CYB5D2: variants seen among roughly 807,000 people sequenced by gnomAD.
CYB5D2 encodes the protein cytochrome b5 domain containing 2.
In CYB5D2, 23 loss-of-function variants were observed where a neutral mutation model predicts 22.8. The observed-to-expected ratio is 1.01, with a 90% CI of 0.73 to 1.43. CYB5D2 has a LOEUF of 1.43. Among genes scored for constraint, CYB5D2 ranks in the 40% most tolerant of loss-of-function variants. CYB5D2 has a pLI of 0.00. For missense variants in CYB5D2, 373 were observed against 357.2 expected (o/e 1.04, Z -0.36); for synonymous variants, 170 against 152.2 (o/e 1.12, Z -0.86).
In CYB5D2 at chr17:4,156,970, G is replaced by C. The variant is rs751268793; in HGVS notation, c.683G>C (p.Gly228Ala). The C allele has an allele frequency of 1.2e-6, 2 of 1,612,854 alleles. No individual in the cohort carries two copies. Among genetic ancestry groups the C allele is most frequent in the Non-Finnish European group, 1.7e-6 (2 of 1,180,024 alleles). Reference protein sequence around the residue: ...VCVRTTGPPSGQMPDNPPHRN... With the variant: ...VCVRTTGPPSAQMPDNPPHRN... ...GTGAGAACCACCGGCCCCCCTAGTG[G>C]CCAGATGCCGGACAACCCTCCACAC... Residue 228 changes from glycine (G) to alanine (A), a missense_variant, in exon 4 of 4, where the codon GGC becomes GCC. Physicochemically the swap from Gly to Ala is moderately conservative, Grantham distance 60. Coordinates refer to ENST00000301391, the MANE Select transcript of CYB5D2 (RefSeq NM_144611.4).
At chr17:4,150,125 T>A in intron 2 of CYB5D2, 94 bp downstream of exon 2, 1 of 1,461,704 alleles carries the variant, frequency 6.8e-7, no homozygotes, top group Admixed American at 1.8e-5. Context: ...GCTTAAAATC[T>A]GAAAAACAGC....
intron 1 of CYB5D2, among the ~76,000 whole-genome samples, 186 bp from the exon 2 acceptor site, chr17:4,149,705 A>G (rs1287398057): frequency 1.3e-5 from 2 of 152,224 alleles, no homozygotes; most frequent in South Asian, 4.1e-4. Context: ...AGGCTGAAGC[A>G]GGAGAATGGC....
chr17:4,145,077 C>T lies in CYB5D2; in HGVS notation c.250+1072C>T, dbSNP rs373105723. On this transcript the variant is annotated intron_variant, in intron 1 of 3. Transcript: ENST00000301391. ...CTGGGATTACAGGCGTGAGCCACCA[C>T]ACCCGGCCAGCCTAGTGCTTTTTTA... Among the ~76,000 whole-genome samples, 21 of 152,330 alleles carry T rather than the reference C, an allele frequency of 1.4e-4. No individual in the cohort carries two copies. In the South Asian group the frequency reaches 3.5e-3, roughly 26 times the overall value.
chr17:4,144,589 G>C (rs1181384677), intron 1 of CYB5D2, among the ~76,000 whole-genome samples: 2 of 152,148 alleles, frequency 1.3e-5, no homozygotes, highest in African/African-American at 4.8e-5. Flanking sequence ...AGAAGGTTAG[G>C]GCAGAGGAAA....
rs201331205 is a variant in CYB5D2 at position 4,143,644 on chromosome 17, A to C, written c.-112A>C. ...GAGGGAGCGCGAGCACTAGCGCGCG[A>C]GAGAGAGAGCGAGAGCGCGCGCGCC... On this transcript the variant is annotated 5_prime_UTR_variant, in exon 1 of 4. Coordinates refer to ENST00000301391, the MANE Select transcript of CYB5D2 (RefSeq NM_144611.4). 0.061 allele frequency: 59,320 copies of C among 979,160 alleles called. 1,578 individuals carry two copies. Among genetic ancestry groups the C allele is most frequent in the Admixed American group, 0.11 (3,459 of 31,934 alleles). The allele number at this position is 979,160 out of a possible 1,614,324, so 60.7% of individuals were successfully genotyped here. A position where few individuals can be genotyped will look rare whatever the true frequency, so the allele number is the denominator to read the frequency against.
intron 2 of CYB5D2, among the ~76,000 whole-genome samples, chr17:4,152,299 T>C (rs2059067342): frequency 6.6e-6 from 1 of 152,218 alleles, no homozygotes; most frequent in South Asian, 2.1e-4. Flanking sequence ...TTCCTGCCCC[T>C]GTTAGCTCAT....
rs1314898627 is a variant in CYB5D2 at position 4,154,848 on chromosome 17, G to C, written c.566G>C (p.Cys189Ser). ...TCAGCCAGGGGCAGCCGGCTCTGGT[G>C]CTCCCAGAAGAGGTAAGCAGGCTCC... ...WSSARGSRLW[C>S]SQKSGGVSRD... The change falls in exon 3 of 4, where the codon TGC (cysteine) becomes TCC (serine). Residue 189 changes from cysteine to serine, a missense_variant. Cys to Ser is a moderately radical substitution (Grantham distance 112). Transcript: ENST00000301391. 2 of 1,612,536 alleles carry C rather than the reference G, an allele frequency of 1.2e-6. No homozygotes were observed. The highest frequency in any genetic ancestry group is 1.7e-6 in the Non-Finnish European group (2 of 1,179,294).
intron 1 of CYB5D2, 89 bp from the exon 2 acceptor site, chr17:4,149,802 A>AC (rs921501670): frequency 6.5e-7 from 1 of 1,531,960 alleles, no homozygotes; most frequent in Non-Finnish European, 8.8e-7. Flanking sequence ...CCGTCTCAAA[A>AC]AAAAAAGAAA....
In CYB5D2 at chr17:4,143,573, CT is replaced by C. The variant is rs1193510445; in HGVS notation, c.-179del. On this transcript the variant is annotated 5_prime_UTR_variant, in exon 1 of 4. Coordinates refer to ENST00000301391, the MANE Select transcript of CYB5D2 (RefSeq NM_144611.4). The stretch of plus-strand genomic sequence containing the variant: ...CCTGGAAAAAGTCGCAGACAGCGAG[CT>C]TTTCGCCAGTGCCAGGAATACAGAT... 1 of 775,402 alleles carries C rather than the reference CT, an allele frequency of 1.3e-6. No homozygotes were observed. The highest frequency in any genetic ancestry group is 1.9e-6 in the Non-Finnish European group (1 of 518,326). 48.0% of individuals were successfully genotyped at this position (775,402 alleles called of 1,614,324 possible).
In CYB5D2 at chr17:4,143,658, A is replaced by AGC. The variant is rs1178777615; in HGVS notation, c.-89_-88dup. On this transcript the variant is annotated 5_prime_UTR_variant, in exon 1 of 4. Coordinates refer to ENST00000301391, the MANE Select transcript of CYB5D2 (RefSeq NM_144611.4). ...ACTAGCGCGCGAGAGAGAGAGCGAG[A>AGC]GCGCGCGCGCCGATGACGTCACGCT... 9.9e-5 allele frequency: 149 copies of AGC among 1,497,582 alleles called. 1 individual carries two copies. The African/African-American group carries it at 1.6e-3, about 16-fold the overall frequency. The allele number at this position is 1,497,582 out of a possible 1,614,324, so 92.8% of individuals were successfully genotyped here. A position where few individuals can be genotyped will look rare whatever the true frequency, so the allele number is the denominator to read the frequency against.
intron 2 of CYB5D2, among the ~76,000 whole-genome samples, chr17:4,154,466 C>T (rs145315131): frequency 5.9e-5 from 9 of 152,352 alleles, no homozygotes; most frequent in African/African-American, 1.7e-4. Flanking sequence ...AAGGGCTCTG[C>T]AGCTAGAAGA....
Position 4,154,857 on chromosome 17 carries a change from A to G in CYB5D2, c.575A>G (p.Lys192Arg), listed in dbSNP as rs767223929. ...ARGSRLWCSQ[K>R]SGGVSRDWIG... ...GGCAGCCGGCTCTGGTGCTCCCAGA[A>G]GAGGTAAGCAGGCTCCCCTTCTTCT... The change falls in exon 3 of 4, where the codon AAG becomes AGG. Residue 192 changes from lysine to arginine, a missense_variant. By Grantham distance (26) the Lys-to-Arg change is conservative. Coordinates refer to ENST00000301391, the MANE Select transcript of CYB5D2 (RefSeq NM_144611.4). 6.2e-7 allele frequency: 1 copy of G among 1,609,790 alleles called. No homozygotes were observed. The highest frequency in any genetic ancestry group is 8.5e-7 in the Non-Finnish European group (1 of 1,177,726).
intron 3 of CYB5D2, among the ~76,000 whole-genome samples, chr17:4,155,256 C>G (rs537322429): frequency 6.6e-6 from 1 of 152,106 alleles, no homozygotes; most frequent in Non-Finnish European, 1.5e-5. Flanking sequence ...TCATGCCTAT[C>G]TATAGGAGAG....
intron 2 of CYB5D2, among the ~76,000 whole-genome samples, chr17:4,152,388 G>A (rs2059068219): frequency 6.6e-6 from 1 of 152,198 alleles, no homozygotes; most frequent in Non-Finnish European, 1.5e-5. Flanking sequence ...AAGGTTTATT[G>A]TAAGGGTACA....
At chr17:4,145,498 C>G (rs951433230) in intron 1 of CYB5D2, among the ~76,000 whole-genome samples, 1 of 152,158 alleles carries the variant, frequency 6.6e-6, no homozygotes, top group Non-Finnish European at 1.5e-5. Flanking sequence ...TGGGAGCTGT[C>G]GTTGGATGTT....
At position 4,143,529 on chromosome 17, in the gene CYB5D2, G is replaced by GAAA. The variant is rs57320078; in HGVS notation, c.-214_-212dup. On this transcript the variant is annotated 5_prime_UTR_variant, in exon 1 of 4. Transcript: ENST00000301391. The stretch of plus-strand genomic sequence containing the variant: ...CAACAAGAGCTAAAACTCTGTCTCA[G>GAAA]AAAAAAAAAAAAAAAGTACCTGGAA... 22 of 357,248 alleles carry GAAA rather than the reference G, an allele frequency of 6.2e-5. No individual in the cohort carries two copies. Among genetic ancestry groups the GAAA allele is most frequent in the African/African-American group, 3.2e-4 (14 of 44,202 alleles). 22.1% of individuals were successfully genotyped at this position (357,248 alleles called of 1,614,324 possible). A position where few individuals can be genotyped will look rare whatever the true frequency, so the allele number is the denominator to read the frequency against.
rs113577010 is a variant in CYB5D2, at chr17:4,147,292, T to C, written c.251-2599T>C. Reference sequence around the variant, plus strand: ...TCTCAAAAAAGAAAAAAACTATGTATTTAATTCGTTTGATATTTACTGGGA... The same window carrying C: ...TCTCAAAAAAGAAAAAAACTATGTACTTAATTCGTTTGATATTTACTGGGA... On this transcript the variant is annotated intron_variant, in intron 1 of 3. Transcript: ENST00000301391. Among the ~76,000 whole-genome samples, 517 of 152,256 alleles carry C rather than the reference T, an allele frequency of 3.4e-3. 3 individuals carry two copies. Among genetic ancestry groups the C allele is most frequent in the African/African-American group, 0.012 (497 of 41,542 alleles).
At chr17:4,155,713 A>G (rs903792248) in intron 3 of CYB5D2, among the ~76,000 whole-genome samples, 1 of 152,164 alleles carries the variant, frequency 6.6e-6, no homozygotes, top group Non-Finnish European at 1.5e-5. Flanking sequence ...CTGAGACTCC[A>G]GGAGGAGGAG....
intron 1 of CYB5D2, among the ~76,000 whole-genome samples, chr17:4,148,059 T>C (rs1254099466): frequency 6.6e-6 from 1 of 152,122 alleles, no homozygotes; most frequent in East Asian, 1.9e-4. Context: ...CAAGAATGAA[T>C]GCAGGGAGGG....
Sources: gnomAD v4.1 joint callset for allele counts (sites outside exome capture counted in the v4.1 genomes callset) on GRCh38, gnomAD v4.1.1 for gene constraint, MANE v1.5 for transcripts, NCBI Gene and HGNC (gene_info 2026-07-23, HGNC 2026-07-21) for gene names.